MED12L: variants seen among roughly 807,000 people sequenced by gnomAD.
MED12L encodes mediator complex subunit 12L.
A neutral mutation model predicts 281.3 loss-of-function variants in MED12L; 60 were observed. The observed-to-expected ratio is 0.21, with a 90% CI of 0.17 to 0.26. The LOEUF is 0.26. MED12L is among the 10% of genes least tolerant of loss of function. The probability of loss-of-function intolerance (pLI) is 1.00; values close to 1 mark genes in which losing one functional copy is unlikely to be tolerated. For missense variants in MED12L, 2,146 were observed against 2,680.9 expected, an observed-to-expected ratio of 0.80 and a Z score of 4.41; for synonymous variants, 974 against 987.2, an observed-to-expected ratio of 0.99 and a Z score of 0.25.
chr3:151,416,610 A>C (rs1717584577), intron 43 of MED12L, among the ~76,000 whole-genome samples, 188 bp downstream of exon 43: 1 of 152,354 alleles, frequency 6.6e-6, no homozygotes, highest in East Asian at 1.9e-4. Flanking sequence ...AGATACAAGT[A>C]AATATTTGGG....
intron 2 of MED12L, among the ~76,000 whole-genome samples, chr3:151,097,413 T>C (rs1720857698): frequency 6.6e-6 from 1 of 152,212 alleles, no homozygotes; most frequent in South Asian, 2.1e-4. Context: ...CTGAGCACCT[T>C]GTAGGCTCTT....
Position 151,377,234 on chromosome 3 carries a change from A to C in MED12L, c.4316+56A>C, listed in dbSNP as rs1033039659. The C allele has an allele frequency of 1.7e-5, 24 of 1,432,720 alleles. No individual in the cohort carries two copies. The Admixed American group carries it at 2.1e-4, about 13-fold the overall frequency. The allele number at this position is 1,432,720 out of a possible 1,614,324, so 88.8% of individuals were successfully genotyped here. On this transcript the variant is annotated intron_variant, in intron 30 of 44. Coordinates refer to ENST00000687756, the MANE Select transcript of MED12L (RefSeq NM_001393769.1). ...CATGAATTTTTCACAAGTAACGGTA[A>C]ATTTTGTGTAGCACAGTGATTTTTC...
intron 2 of MED12L, among the ~76,000 whole-genome samples, chr3:151,114,276 G>A (rs910041783): frequency 2.6e-5 from 4 of 152,154 alleles, no homozygotes; most frequent in African/African-American, 9.7e-5. Flanking sequence ...ACCTATGCTT[G>A]GAGGAGACTT....
intron 5 of MED12L, among the ~76,000 whole-genome samples, chr3:151,134,570 T>G (rs1281229141): frequency 6.6e-6 from 1 of 152,058 alleles, no homozygotes; most frequent in Admixed American, 6.5e-5. Context: ...CAATCAAATA[T>G]TAGAGAAGGA....
chr3:151,211,567 C>T (rs763945090), intron 16 of MED12L, among the ~76,000 whole-genome samples: 11 of 152,158 alleles, frequency 7.2e-5, no homozygotes, highest in Admixed American at 2.0e-4. Context: ...GAAAAAAAAC[C>T]TGTCCAGCTT....
chr3:151,152,035 C>T (rs1414679932), intron 5 of MED12L, among the ~76,000 whole-genome samples: 3 of 145,898 alleles, frequency 2.1e-5, no homozygotes, highest in African/African-American at 7.6e-5. Context: ...TAATTCCTAG[C>T]TAAGGAGTTT....
chr3:151,118,906 C>T (rs573913740), intron 3 of MED12L, among the ~76,000 whole-genome samples: 2 of 152,246 alleles, frequency 1.3e-5, no homozygotes, highest in East Asian at 1.9e-4. Flanking sequence ...AGGATGGTCT[C>T]GGACTCCTCA....
rs746705254 is a variant in MED12L at position 151,188,464 on chromosome 3, A to G, written c.1737A>G (p.Thr579=). 1.9e-6 allele frequency: 3 copies of G among 1,612,998 alleles called. No homozygotes were observed. The highest frequency in any genetic ancestry group is 2.2e-5 in the East Asian group (1 of 44,844). The change falls in exon 13 of 45, where the codon ACA becomes ACG. Residue 579 remains threonine (T), a synonymous_variant. Transcript: ENST00000687756. The part of the protein sequence containing the change: ...FQNVLLRFLD[T]QAPSLSDPNS... Reference sequence around the variant, plus strand: ...ATGTGCTGTTAAGGTTTTTAGATACACAGGCCCCCTCTTTGTGTAAGTAGA... The same window carrying G: ...ATGTGCTGTTAAGGTTTTTAGATACGCAGGCCCCCTCTTTGTGTAAGTAGA...
chr3:151,367,757 C>T lies in MED12L; in HGVS notation c.3439C>T (p.Leu1147=), dbSNP rs373552481. ...GCAGCATGTCGCACTTCCCTCTCTT[C>T]TAGCAGCAGGTAAGGCAGCATCCAT... ...VVQHVALPSL[L]AAACGDADAE... The change falls in exon 24 of 45, where the codon CTA becomes TTA. Residue 1147 remains leucine (L), a synonymous_variant. Coordinates refer to ENST00000687756, the MANE Select transcript of MED12L (RefSeq NM_001393769.1). The T allele has an allele frequency of 1.9e-6, 3 of 1,607,492 alleles. No homozygotes were observed. In the African/African-American group the frequency reaches 4.0e-5, roughly 22 times the overall value.
chr3:151,299,719 T>TGG (rs1370740049), intron 16 of MED12L, among the ~76,000 whole-genome samples: 3 of 152,036 alleles, frequency 2.0e-5, no homozygotes, highest in African/African-American at 7.2e-5. Context: ...TCTGGCCTCT[T>TGG]GGGGAACCTC....
chr3:151,125,056 C>T (rs369697530), intron 4 of MED12L, among the ~76,000 whole-genome samples: 18 of 152,286 alleles, frequency 1.2e-4, no homozygotes, highest in South Asian at 1.0e-3. Context: ...TACTTAGATG[C>T]GGCTGTAGCT....
chr3:151,238,037 A>G (rs1435880341), intron 16 of MED12L, among the ~76,000 whole-genome samples: 3 of 152,212 alleles, frequency 2.0e-5, no homozygotes, highest in African/African-American at 7.2e-5. Flanking sequence ...AAAATTTACC[A>G]ATTTTAAGGA....
chr3:151,269,757 G>T, intron 16 of MED12L: 1 of 424,260 alleles, frequency 2.4e-6, no homozygotes, highest in South Asian at 1.8e-5. Context: ...ATCTGAATGA[G>T]AGTGGTGATC....
intron 20 of MED12L, among the ~76,000 whole-genome samples, chr3:151,357,886 A>G (rs6790448): frequency 0.42 from 64,501 of 152,016 alleles, 14,179 homozygotes; most frequent in African/African-American, 0.54. Context: ...TACTCTACTA[A>G]TGAAGTTGAG....
chr3:151,230,820 T>G (rs1024982089), intron 16 of MED12L, among the ~76,000 whole-genome samples: 3 of 152,168 alleles, frequency 2.0e-5, no homozygotes, highest in Admixed American at 1.3e-4. Flanking sequence ...CCCCTGCCAA[T>G]GCAGAAGTAG....
chr3:151,224,084 C>T (rs917740604), intron 16 of MED12L, among the ~76,000 whole-genome samples: 1 of 152,132 alleles, frequency 6.6e-6, no homozygotes, highest in Non-Finnish European at 1.5e-5. Context: ...AGTGTCTGCA[C>T]TTCTGTTTTT....
At chr3:151,088,927 T>G (rs966284113) in intron 2 of MED12L, among the ~76,000 whole-genome samples, 3 of 152,140 alleles carry the variant, frequency 2.0e-5, no homozygotes, top group Non-Finnish European at 4.4e-5. Flanking sequence ...GTTTTAACTC[T>G]CCCAAGCAGA....
intron 16 of MED12L, among the ~76,000 whole-genome samples, chr3:151,341,403 T>C (rs1262793273): frequency 6.7e-6 from 1 of 149,810 alleles, no homozygotes; most frequent in African/African-American, 2.5e-5. Flanking sequence ...ATATAAACAA[T>C]TTTTTTTTGT....
intron 2 of MED12L, among the ~76,000 whole-genome samples, chr3:151,102,416 A>G (rs1419633592): frequency 1.3e-5 from 2 of 152,194 alleles, no homozygotes; most frequent in East Asian, 1.9e-4. Context: ...ACTCAAAATT[A>G]TACGTTTAGC....
Sources: gnomAD v4.1 joint callset for allele counts (sites outside exome capture counted in the v4.1 genomes callset) on GRCh38, gnomAD v4.1.1 for gene constraint, MANE v1.5 for transcripts, NCBI Gene and HGNC (gene_info 2026-07-23, HGNC 2026-07-21) for gene names.